OR9I1: variants seen among roughly 807,000 people sequenced by gnomAD.
OR9I1 encodes the protein olfactory receptor 9I1.
OR9I1 carries 7 observed loss-of-function variants against 11.2 expected under a neutral mutation model. The observed-to-expected ratio is 0.62, with a 90% CI of 0.36 to 1.17. The LOEUF (loss-of-function observed/expected upper bound fraction) is 1.17, where lower values mean the gene tolerates loss of function less well. Ranked by LOEUF, OR9I1 falls within the 50% of genes most tolerant of loss-of-function variation. OR9I1 has a pLI of 0.02. For synonymous variants in OR9I1, 165 were observed against 153.4 expected (o/e 1.08, Z -0.56); for missense variants, 428 against 377.2 (o/e 1.13, Z -1.12).
chr11:58,124,107 A>T (rs1411494560), intron 2 of OR9I1, among the ~76,000 whole-genome samples: 7 of 152,172 alleles, frequency 4.6e-5, no homozygotes, highest in Non-Finnish European at 1.0e-4. Context: ...GAAAAATTTT[A>T]GGAGCAGACT....
chr11:58,124,931 T>C (rs1854074067), intron 1 of OR9I1, among the ~76,000 whole-genome samples: 2 of 152,184 alleles, frequency 1.3e-5, no homozygotes, highest in South Asian at 4.1e-4. Context: ...AAAGGTATTA[T>C]TTTGTCCTGG....
At position 58,118,603 on chromosome 11, in the gene OR9I1, A is replaced by G. The variant is rs748788192; in HGVS notation, c.842T>C (p.Val281Ala). 6.8e-6 allele frequency: 11 copies of G among 1,614,030 alleles called. No individual in the cohort carries two copies. Among genetic ancestry groups the G allele is most frequent in the Non-Finnish European group, 9.3e-6 (11 of 1,179,952 alleles). ...GATCAGAGGGTTCAGCATGGGGATG[A>G]CCACTGTATAGAAGACAGACACGAC... is the stretch of plus-strand genomic sequence containing the variant. ...DKVVSVFYTVVIPMLNPLIYS... is the reference protein window; with the variant it reads ...DKVVSVFYTVAIPMLNPLIYS... The change falls in exon 3 of 3, where the codon GTC (valine) becomes GCC (alanine). Residue 281 changes from valine (V) to alanine (A), a missense_variant. Transcript: ENST00000641439.
chr11:58,122,980 T>C (rs1854050395), intron 2 of OR9I1, among the ~76,000 whole-genome samples: 1 of 152,174 alleles, frequency 6.6e-6, no homozygotes, highest in Non-Finnish European at 1.5e-5. Flanking sequence ...TTTCGGATTT[T>C]GTTATGGTCT....
rs1853994499 is a variant in OR9I1 at position 58,119,049 on chromosome 11, A to G, written c.396T>C (p.Tyr132=). ...RYAAIRNPLL[Y]TVAMNPRLCW... ...AGAGCCTGGGATTCATGGCCACGGT[A>G]TAGAGCAGTGGGTTGCGAATGGCAG... Residue 132 remains tyrosine, a synonymous_variant, in exon 3 of 3, where the codon TAT becomes TAC. Coordinates refer to ENST00000641439, the MANE Select transcript of OR9I1 (RefSeq NM_001005211.2). The G allele has an allele frequency of 6.2e-7, 1 of 1,614,030 alleles. No homozygotes were observed. The highest frequency in any genetic ancestry group is 8.5e-7 in the Non-Finnish European group (1 of 1,179,978).
chr11:58,124,845 A>G (rs1462783743), intron 1 of OR9I1, among the ~76,000 whole-genome samples: 3 of 152,186 alleles, frequency 2.0e-5, no homozygotes, highest in Non-Finnish European at 4.4e-5. Context: ...TTTATCGAAC[A>G]TCTTCTCTGC....
chr11:58,119,370 A>T lies in OR9I1; in HGVS notation c.75T>A (p.Ile25=). 1 of 1,613,952 alleles carries T rather than the reference A, an allele frequency of 6.2e-7. No individual in the cohort carries two copies. The highest frequency in any genetic ancestry group is 8.5e-7 in the Non-Finnish European group (1 of 1,179,862). ...MGFMDHPKLE[I]PLFLVFLSFY... The stretch of plus-strand genomic sequence containing the variant: ...AACTCAGAAACACCAGAAAGAGGGG[A>T]ATCTCCAATTTGGGGTGGTCCATAA... Residue 25 remains isoleucine, a synonymous_variant, in exon 3 of 3, where the codon ATT becomes ATA. Coordinates refer to ENST00000641439, the MANE Select transcript of OR9I1 (RefSeq NM_001005211.2).
intron 2 of OR9I1, among the ~76,000 whole-genome samples, chr11:58,121,997 G>T (rs1854037617): frequency 6.6e-6 from 1 of 152,144 alleles, no homozygotes; most frequent in South Asian, 2.1e-4. Context: ...ATAACAGGCA[G>T]GTCCTCTGGC....
chr11:58,119,080 C>G lies in OR9I1; in HGVS notation c.365G>C (p.Arg122Pro). 6.2e-7 allele frequency: 1 copy of G among 1,613,900 alleles called. No individual in the cohort carries two copies. ...CAGTGGGTTGCGAATGGCAGCATAGCGATCATAGGCCATCACTGCCAGCAG... is the reference window on the plus strand; with the variant it reads ...CAGTGGGTTGCGAATGGCAGCATAGGGATCATAGGCCATCACTGCCAGCAG... ...CFLLAVMAYDRYAAIRNPLLY... is the reference protein window; with the variant it reads ...CFLLAVMAYDPYAAIRNPLLY... The change falls in exon 3 of 3, where the codon CGC (arginine) becomes CCC (proline). Residue 122 changes from arginine to proline, a missense_variant. By Grantham distance (103) the Arg-to-Pro change is moderately radical (BLOSUM62 -2). Coordinates refer to ENST00000641439, the MANE Select transcript of OR9I1 (RefSeq NM_001005211.2).
At position 58,117,564 on chromosome 11, in the gene OR9I1, G is replaced by A. The variant is rs780012133; in HGVS notation, c.*936C>T. 3.3e-5 allele frequency: 5 copies of A among 152,192 alleles called. No homozygotes were observed. The highest frequency in any genetic ancestry group is 5.9e-5 in the Non-Finnish European group (4 of 68,046). 9.4% of individuals were successfully genotyped at this position (152,192 alleles called of 1,614,324 possible). ...CTGTTCTCAAGGGTTTTACAGTCTG[G>A]TACAGGAGTCATGATTACTTCCCCT... On this transcript the variant is annotated 3_prime_UTR_variant, in exon 3 of 3. Coordinates refer to ENST00000641439, the MANE Select transcript of OR9I1 (RefSeq NM_001005211.2).
At chr11:58,120,717 G>C (rs1260569836) in intron 2 of OR9I1, among the ~76,000 whole-genome samples, 1 of 150,220 alleles carries the variant, frequency 6.7e-6, no homozygotes, top group African/African-American at 2.4e-5. Context: ...TTGATTTTCT[G>C]TACTGAAACA....
At chr11:58,123,650 T>G (rs1854058257) in intron 2 of OR9I1, among the ~76,000 whole-genome samples, 1 of 152,230 alleles carries the variant, frequency 6.6e-6, no homozygotes, top group Admixed American at 6.5e-5. Context: ...ATTATACACC[T>G]AGGAAGGAAC....
chr11:58,119,441 C>A lies in OR9I1; in HGVS notation c.4G>T (p.Ala2Ser). The A allele has an allele frequency of 6.3e-7, 1 of 1,589,830 alleles. No homozygotes were observed. Residue 2 changes from alanine (A) to serine (S), a missense_variant, in exon 3 of 3, where the codon GCC becomes TCC. Transcript: ENST00000641439. M[A>S]KNNLTRVTEF... is the part of the protein sequence containing the mutation. Reference sequence around the variant, plus strand: ...GTTACTCTGGTGAGATTATTCTTGGCCATGGAGACAATGTGGACTGTTGGT... The same window carrying A: ...GTTACTCTGGTGAGATTATTCTTGGACATGGAGACAATGTGGACTGTTGGT...
In OR9I1 at chr11:58,117,614, G is replaced by C. The variant is rs1853969534; in HGVS notation, c.*886C>G. ...TCTCACCAGATCTTCATTAGAGAAG[G>C]TAATATGGGGTTCAGTTGTCTTTCT... is the stretch of plus-strand genomic sequence containing the variant. On this transcript the variant is annotated 3_prime_UTR_variant, in exon 3 of 3. Transcript: ENST00000641439. The C allele has an allele frequency of 6.6e-6, 1 of 152,150 alleles. No individual in the cohort carries two copies. The highest frequency in any genetic ancestry group is 2.4e-5 in the African/African-American group (1 of 41,424). The allele number at this position is 152,150 out of a possible 1,614,324, so 9.4% of individuals were successfully genotyped here.
chr11:58,118,390 C>T lies in OR9I1; in HGVS notation c.*110G>A, dbSNP rs1296448301. 8.3e-6 allele frequency: 6 copies of T among 719,710 alleles called. No individual in the cohort carries two copies. The highest frequency in any genetic ancestry group is 2.3e-6 in the Non-Finnish European group (1 of 432,822). The allele number at this position is 719,710 out of a possible 1,614,324, so 44.6% of individuals were successfully genotyped here. On this transcript the variant is annotated 3_prime_UTR_variant, in exon 3 of 3. Transcript: ENST00000641439. ...TTCCTGTGTGCCTGGTGGTACCTAT[C>T]TTCTGTCTTCTCTGTTTGTGGGTAT... is the stretch of plus-strand genomic sequence containing the variant.
chr11:58,118,603 A>C lies in OR9I1; in HGVS notation c.842T>G (p.Val281Gly), dbSNP rs748788192. Reference protein sequence around the residue: ...DKVVSVFYTVVIPMLNPLIYS... With the variant: ...DKVVSVFYTVGIPMLNPLIYS... ...GATCAGAGGGTTCAGCATGGGGATGACCACTGTATAGAAGACAGACACGAC... is the reference window on the plus strand; with the variant it reads ...GATCAGAGGGTTCAGCATGGGGATGCCCACTGTATAGAAGACAGACACGAC... Residue 281 changes from valine (V) to glycine (G), a missense_variant, in exon 3 of 3, where the codon GTC becomes GGC. Transcript: ENST00000641439. 1.2e-6 allele frequency: 2 copies of C among 1,614,030 alleles called. No homozygotes were observed. The highest frequency in any genetic ancestry group is 1.7e-5 in the Admixed American group (1 of 60,020).
At chr11:58,121,526 T>G (rs1215686606) in intron 2 of OR9I1, among the ~76,000 whole-genome samples, 2 of 152,186 alleles carry the variant, frequency 1.3e-5, no homozygotes, top group Non-Finnish European at 2.9e-5. Flanking sequence ...TTGACCCACA[T>G]GTAGAGGAGC....
intron 2 of OR9I1, among the ~76,000 whole-genome samples, chr11:58,123,795 T>A (rs1185818007): frequency 6.6e-6 from 1 of 152,090 alleles, no homozygotes; most frequent in Non-Finnish European, 1.5e-5. Context: ...TCAAAGCGCC[T>A]CTCTAAAACC....
At chr11:58,122,570 A>G (rs1011944117) in intron 2 of OR9I1, among the ~76,000 whole-genome samples, 3 of 152,222 alleles carry the variant, frequency 2.0e-5, no homozygotes, top group Non-Finnish European at 4.4e-5. Flanking sequence ...AAAGCAATGC[A>G]GGCACTATTT....
Position 58,118,925 on chromosome 11 carries a change from T to C in OR9I1, c.520A>G (p.Ile174Val). Reference sequence around the variant, plus strand: ...GGGAGGTCACAGAAGAAGAAGTTTATTTGATTGTCCTTACAGAAGGAGAGG... The same window carrying C: ...GGGAGGTCACAGAAGAAGAAGTTTACTTGATTGTCCTTACAGAAGGAGAGG... Reference protein sequence around the residue: ...FTLSFCKDNQINFFFCDLPPL... With the variant: ...FTLSFCKDNQVNFFFCDLPPL... Residue 174 changes from isoleucine to valine, a missense_variant, in exon 3 of 3, where the codon ATA becomes GTA. Physicochemically the swap from Ile to Val is conservative, Grantham distance 29. Coordinates refer to ENST00000641439, the MANE Select transcript of OR9I1 (RefSeq NM_001005211.2). 1.2e-6 allele frequency: 2 copies of C among 1,613,976 alleles called. No individual in the cohort carries two copies. Among genetic ancestry groups the C allele is most frequent in the Middle Eastern group, 1.6e-4 (1 of 6,062 alleles).
Sources: gnomAD v4.1 joint callset for allele counts (sites outside exome capture counted in the v4.1 genomes callset) on GRCh38, gnomAD v4.1.1 for gene constraint, MANE v1.5 for transcripts, NCBI Gene and HGNC (gene_info 2026-07-23, HGNC 2026-07-21) for gene names.